RBBP9: variants seen among roughly 807,000 people sequenced by gnomAD.
RBBP9 encodes serine hydrolase RBBP9.
A neutral mutation model predicts 24.2 loss-of-function variants in RBBP9; 20 were observed. That is an observed-to-expected ratio of 0.83 (90% CI 0.58 to 1.20). The LOEUF (loss-of-function observed/expected upper bound fraction) is 1.20, where lower values mean the gene tolerates loss of function less well. Ranked by LOEUF, RBBP9 falls within the 50% of genes most tolerant of loss-of-function variation. The probability of loss-of-function intolerance (pLI) is 0.00; values close to 1 mark genes in which losing one functional copy is unlikely to be tolerated. For missense variants in RBBP9, 234 were observed against 233.6 expected (o/e 1.00, Z -0.01); for synonymous variants, 74 against 84.6 (o/e 0.87, Z 0.69).
At chr20:18,492,907 A>T (rs1267312745) in intron 3 of RBBP9, among the ~76,000 whole-genome samples, 1 of 152,186 alleles carries the variant, frequency 6.6e-6, no homozygotes, top group East Asian at 1.9e-4. Flanking sequence ...TTCCTTTTCC[A>T]GACAACCCCT....
At chr20:18,490,744 A>G (rs2148873212) in intron 3 of RBBP9, among the ~76,000 whole-genome samples, 1 of 151,950 alleles carries the variant, frequency 6.6e-6, no homozygotes, top group East Asian at 1.9e-4. Flanking sequence ...CAGTGGCACA[A>G]TCTTGGCTCA....
chr20:18,487,146 C>T lies in RBBP9; in HGVS notation c.*2618G>A, dbSNP rs2059847163. ...CTATATTGGCTGGTCAGTAAGGTAA[C>T]CAATAGCCACCAGTGGCTGTTGAGC... On this transcript the variant is annotated 3_prime_UTR_variant, in exon 5 of 5. Transcript: ENST00000337227. The T allele has an allele frequency of 6.6e-6, 1 of 152,140 alleles. No homozygotes were observed. The highest frequency in any genetic ancestry group is 2.4e-5 in the African/African-American group (1 of 41,428). The allele number at this position is 152,140 out of a possible 1,614,324, so 9.4% of individuals were successfully genotyped here.
rs2059846391 is a variant in RBBP9 at position 18,486,929 on chromosome 20, T to C, written c.*2835A>G. ...TCCCATGAAACACCCCTGATCTTAGTTGGGTGATTTATAGACCTATGATGT... is the reference window on the plus strand; with the variant it reads ...TCCCATGAAACACCCCTGATCTTAGCTGGGTGATTTATAGACCTATGATGT... On this transcript the variant is annotated 3_prime_UTR_variant, in exon 5 of 5. Transcript: ENST00000337227. 1 of 152,154 alleles carries C rather than the reference T, an allele frequency of 6.6e-6. No homozygotes were observed. The highest frequency in any genetic ancestry group is 6.5e-5 in the Admixed American group (1 of 15,280). 9.4% of individuals were successfully genotyped at this position (152,154 alleles called of 1,614,324 possible).
rs2059848894 is a variant in RBBP9 at position 18,487,621 on chromosome 20, T to A, written c.*2143A>T. The A allele has an allele frequency of 6.6e-6, 1 of 152,206 alleles. No individual in the cohort carries two copies. The highest frequency in any genetic ancestry group is 2.1e-4 in the South Asian group (1 of 4,832). 9.4% of individuals were successfully genotyped at this position (152,206 alleles called of 1,614,324 possible). A position where few individuals can be genotyped will look rare whatever the true frequency, so the allele number is the denominator to read the frequency against. ...TAATTATTTTTGATTATAAAATACA[T>A]GCTTAGTGTAACAAATTCAAATAAT... On this transcript the variant is annotated 3_prime_UTR_variant, in exon 5 of 5. Transcript: ENST00000337227.
At chr20:18,492,914 C>G (rs2059871068) in intron 3 of RBBP9, among the ~76,000 whole-genome samples, 1 of 152,104 alleles carries the variant, frequency 6.6e-6, no homozygotes, top group Admixed American at 6.6e-5. Context: ...TCCAGACAAC[C>G]CCTGGCAGCA....
At position 18,489,795 on chromosome 20, in the gene RBBP9, A is replaced by G. The variant is rs1225652216; in HGVS notation, c.530T>C (p.Val177Ala). 2 of 1,613,456 alleles carry G rather than the reference A, an allele frequency of 1.2e-6. No homozygotes were observed. Among genetic ancestry groups the G allele is most frequent in the Non-Finnish European group, 1.7e-6 (2 of 1,179,418 alleles). ...TGGTACTTTCAGCAAAGACTTTACA[A>G]CAGTAATCAGTTCATGAAACTCTGT... ...QNTEFHELIT[V>A]VKSLLKVPA The change falls in exon 5 of 5, where the codon GTT becomes GCT. Residue 177 changes from valine (V) to alanine (A), a missense_variant. Transcript: ENST00000337227.
intron 3 of RBBP9, among the ~76,000 whole-genome samples, chr20:18,493,664 T>C (rs1600213649): frequency 6.6e-6 from 1 of 152,264 alleles, no homozygotes. Flanking sequence ...TAAACCTGGC[T>C]GGGAGGAGAG....
intron 3 of RBBP9, 125 bp downstream of exon 3, chr20:18,493,833 A>C (rs1318162476): frequency 2.8e-6 from 2 of 708,716 alleles, no homozygotes; most frequent in African/African-American, 3.7e-5. Flanking sequence ...AGGACAGATT[A>C]TGTTACCACT....
chr20:18,489,596 A>G lies in RBBP9; in HGVS notation c.*168T>C. 3.5e-6 allele frequency: 2 copies of G among 570,862 alleles called. No individual in the cohort carries two copies. The highest frequency in any genetic ancestry group is 2.4e-5 in the South Asian group (1 of 41,200). The allele number at this position is 570,862 out of a possible 1,614,324, so 35.4% of individuals were successfully genotyped here. ...AGCAATTTGGGGAGTTTTAGAGTCT[A>G]TGGAAAATGGAAGTGCTATTTGTAA... is the stretch of plus-strand genomic sequence containing the variant. On this transcript the variant is annotated 3_prime_UTR_variant, in exon 5 of 5. Coordinates refer to ENST00000337227, the MANE Select transcript of RBBP9 (RefSeq NM_006606.3).
Position 18,487,068 on chromosome 20 carries a change from T to C in RBBP9, c.*2696A>G, listed in dbSNP as rs1237832144. 1.3e-5 allele frequency: 2 copies of C among 152,226 alleles called. No individual in the cohort carries two copies. The highest frequency in any genetic ancestry group is 1.9e-4 in the East Asian group (1 of 5,202). The allele number at this position is 152,226 out of a possible 1,614,324, so 9.4% of individuals were successfully genotyped here. ...GTGGGTGAGGGGAAAATACAAAATA[T>C]ATGTCCTAGACCAATGTTGTCCAAT... On this transcript the variant is annotated 3_prime_UTR_variant, in exon 5 of 5. Coordinates refer to ENST00000337227, the MANE Select transcript of RBBP9 (RefSeq NM_006606.3).
intron 3 of RBBP9, among the ~76,000 whole-genome samples, chr20:18,491,634 A>G (rs2148873466): frequency 6.6e-6 from 1 of 152,184 alleles, no homozygotes; most frequent in South Asian, 2.1e-4. Flanking sequence ...TTATATTTGC[A>G]GAGAGCAGTC....
rs772030006 is a variant in RBBP9 at position 18,489,920 on chromosome 20, A to G, written c.405T>C (p.Ser135=). 1.2e-5 allele frequency: 20 copies of G among 1,613,878 alleles called. No individual in the cohort carries two copies. In the Admixed American group the frequency reaches 3.2e-4, roughly 26 times the overall value. Residue 135 remains serine (S), a synonymous_variant, in exon 5 of 5, where the codon TCT becomes TCC. Coordinates refer to ENST00000337227, the MANE Select transcript of RBBP9 (RefSeq NM_006606.3). ...TCCAGGGAAGGAACGGGTCGTCAGT[A>G]GAGCCAAACTGCACAATGTAAGGGC... is the stretch of plus-strand genomic sequence containing the variant. ...ANCPYIVQFG[S]TDDPFLPWKE...
chr20:18,489,623 TTAGA>T lies in RBBP9; in HGVS notation c.*137_*140del, dbSNP rs1600211977. On this transcript the variant is annotated 3_prime_UTR_variant, in exon 5 of 5. Coordinates refer to ENST00000337227, the MANE Select transcript of RBBP9 (RefSeq NM_006606.3). The stretch of plus-strand genomic sequence containing the variant: ...GGAAAATGGAAGTGCTATTTGTAAC[TTAGA>T]TTGAATGTTGAAACTTGTGTTTGTT... 16 of 609,788 alleles carry T rather than the reference TTAGA, an allele frequency of 2.6e-5. No individual in the cohort carries two copies. The East Asian group carries it at 4.2e-4, about 16-fold the overall frequency. The allele number at this position is 609,788 out of a possible 1,614,324, so 37.8% of individuals were successfully genotyped here.
At position 18,487,173 on chromosome 20, in the gene RBBP9, C is replaced by A. The variant is rs2059847252; in HGVS notation, c.*2591G>T. The A allele has an allele frequency of 6.6e-6, 1 of 152,244 alleles. No individual in the cohort carries two copies. The highest frequency in any genetic ancestry group is 2.4e-5 in the African/African-American group (1 of 41,550). The allele number at this position is 152,244 out of a possible 1,614,324, so 9.4% of individuals were successfully genotyped here. On this transcript the variant is annotated 3_prime_UTR_variant, in exon 5 of 5. Coordinates refer to ENST00000337227, the MANE Select transcript of RBBP9 (RefSeq NM_006606.3). ...AATAGCCACCAGTGGCTGTTGAGCA[C>A]TTGAAATATGGCTAGTTTGACTGAA...
chr20:18,490,055 T>C, intron 4 of RBBP9, 65 bp from the exon 5 acceptor site: 2 of 1,200,316 alleles, frequency 1.7e-6, no homozygotes, highest in Middle Eastern at 2.5e-4. Context: ...TATTCTAAAA[T>C]ACCTACTGGC....
Position 18,487,097 on chromosome 20 carries a change from G to A in RBBP9, c.*2667C>T, listed in dbSNP as rs1393260154. 6.6e-6 allele frequency: 1 copy of A among 152,180 alleles called. No individual in the cohort carries two copies. The highest frequency in any genetic ancestry group is 1.9e-4 in the East Asian group (1 of 5,200). 9.4% of individuals were successfully genotyped at this position (152,180 alleles called of 1,614,324 possible). A position where few individuals can be genotyped will look rare whatever the true frequency, so the allele number is the denominator to read the frequency against. On this transcript the variant is annotated 3_prime_UTR_variant, in exon 5 of 5. Coordinates refer to ENST00000337227, the MANE Select transcript of RBBP9 (RefSeq NM_006606.3). Reference sequence around the variant, plus strand: ...TCCTAGACCAATGTTGTCCAATAGAGCTTTCTATAATGACGGAAATAGCCT... The same window carrying A: ...TCCTAGACCAATGTTGTCCAATAGAACTTTCTATAATGACGGAAATAGCCT...
At chr20:18,493,913 T>C (rs745923469) in intron 3 of RBBP9, 45 bp downstream of exon 3, 7 of 1,438,672 alleles carry the variant, frequency 4.9e-6, no homozygotes, top group East Asian at 2.3e-5. Context: ...CAAGCAAGCA[T>C]GACTGGAGCC....
chr20:18,490,252 T>A, intron 4 of RBBP9, 143 bp downstream of exon 4: 1 of 692,538 alleles, frequency 1.4e-6, no homozygotes, highest in Non-Finnish European at 2.5e-6. Flanking sequence ...TGCAAACTTA[T>A]ATCCAAAGAT....
chr20:18,491,385 T>C (rs2059864951), intron 3 of RBBP9, among the ~76,000 whole-genome samples: 2 of 152,206 alleles, frequency 1.3e-5, no homozygotes, highest in East Asian at 1.9e-4. Context: ...TGGTGCCCAT[T>C]ACAGTGCCTG....
Sources: allele counts gnomAD v4.1 joint callset (sites outside exome capture counted in the v4.1 genomes callset), GRCh38; gene constraint gnomAD v4.1.1; transcripts MANE v1.5; gene names NCBI Gene and HGNC (gene_info 2026-07-23, HGNC 2026-07-21).